The following FHIT variants were observed in gnomAD, a reference collection of about 807,000 sequenced individuals.
FHIT encodes the protein bis(5'-adenosyl)-triphosphatase.
In FHIT, 19 loss-of-function variants were observed where a neutral mutation model predicts 17.9. That is an observed-to-expected ratio of 1.06 (90% CI 0.74 to 1.56). The LOEUF (loss-of-function observed/expected upper bound fraction) is 1.56, where lower values mean the gene tolerates loss of function less well. Ranked by LOEUF, FHIT falls within the 40% of genes most tolerant of loss-of-function variation. FHIT has a pLI of 0.00. For missense variants in FHIT, 248 were observed against 189.2 expected (o/e 1.31, Z -1.82); for synonymous variants, 81 against 69.7 (o/e 1.16, Z -0.81).
intron 3 of FHIT, among the ~76,000 whole-genome samples, chr3:61,028,140 T>G (rs1410437247): frequency 6.6e-6 from 1 of 152,226 alleles, no homozygotes; most frequent in Admixed American, 6.5e-5. Context: ...AAATATACTA[T>G]GTTGGCAATT....
At chr3:60,618,688 A>C (rs548397840) in intron 4 of FHIT, among the ~76,000 whole-genome samples, 1 of 152,336 alleles carries the variant, frequency 6.6e-6, no homozygotes, top group South Asian at 2.1e-4. Flanking sequence ...AAGATTTTGC[A>C]AATGTGATTA....
intron 5 of FHIT, among the ~76,000 whole-genome samples, chr3:60,413,046 G>A (rs778776313): frequency 9.2e-5 from 14 of 152,026 alleles, no homozygotes; most frequent in Non-Finnish European, 1.8e-4. Flanking sequence ...ACACAGTCTC[G>A]GGCAGTTCTT....
At chr3:60,974,088 T>A (rs2107535545) in intron 3 of FHIT, among the ~76,000 whole-genome samples, 1 of 152,332 alleles carries the variant, frequency 6.6e-6, no homozygotes, top group Admixed American at 6.5e-5. Context: ...CACTACATAT[T>A]TGTTAAATTG....
At chr3:60,103,274 T>C (rs1704269747) in intron 5 of FHIT, among the ~76,000 whole-genome samples, 1 of 152,304 alleles carries the variant, frequency 6.6e-6, no homozygotes. Context: ...CCTCCTTAGT[T>C]CTTATGTGGG....
At chr3:60,490,967 C>G (rs1318593442) in intron 5 of FHIT, among the ~76,000 whole-genome samples, 1 of 152,002 alleles carries the variant, frequency 6.6e-6, no homozygotes, top group South Asian at 2.1e-4. Flanking sequence ...CCTCTGAAGA[C>G]AAAAGGTAAT....
chr3:59,941,301 A>T (rs1706505637), intron 7 of FHIT, among the ~76,000 whole-genome samples: 1 of 152,204 alleles, frequency 6.6e-6, no homozygotes, highest in African/African-American at 2.4e-5. Context: ...GGTGGATCAG[A>T]CAGACTTCAT....
chr3:61,050,011 T>G (rs965982382), intron 2 of FHIT, among the ~76,000 whole-genome samples: 1 of 152,150 alleles, frequency 6.6e-6, no homozygotes, highest in Non-Finnish European at 1.5e-5. Flanking sequence ...CCCAATCATA[T>G]GTCCAATCAT....
chr3:60,784,991 C>G (rs1559720068), intron 4 of FHIT, among the ~76,000 whole-genome samples: 1 of 151,972 alleles, frequency 6.6e-6, no homozygotes, highest in Non-Finnish European at 1.5e-5. Context: ...TTATGAGCCA[C>G]CTGGTTTAAG....
intron 5 of FHIT, among the ~76,000 whole-genome samples, chr3:60,094,133 T>G (rs567630635): frequency 5.9e-5 from 9 of 152,316 alleles, no homozygotes; most frequent in Non-Finnish European, 1.2e-4. Flanking sequence ...CAGTGAAGTT[T>G]CTAAGAGAAT....
At chr3:60,059,751 T>G (rs1391977677) in intron 5 of FHIT, among the ~76,000 whole-genome samples, 2 of 152,206 alleles carry the variant, frequency 1.3e-5, no homozygotes. Context: ...CCTACGAGGT[T>G]CATGAATGAG....
Position 61,077,386 on chromosome 3 carries a change from G to A in FHIT, c.-163-35287C>T, listed in dbSNP as rs377249786. 1.2e-4 allele frequency among the ~76,000 whole-genome samples: 18 copies of A among 152,060 alleles called. No homozygotes were observed. In the East Asian group the frequency reaches 1.5e-3, roughly 13 times the overall value. The stretch of plus-strand genomic sequence containing the variant: ...AGCATACTTAGAGCACAGGAAAGGC[G>A]AGAAATTAGAGTGAGAACTAAAGTC... On this transcript the variant is annotated intron_variant, in intron 2 of 9. Transcript: ENST00000492590.
At chr3:60,231,046 G>T (rs1704470928) in intron 5 of FHIT, among the ~76,000 whole-genome samples, 1 of 152,162 alleles carries the variant, frequency 6.6e-6, no homozygotes, top group Non-Finnish European at 1.5e-5. Context: ...AGCAGACATG[G>T]TAGTGGCAAC....
chr3:60,647,346 A>G (rs530796300), intron 4 of FHIT, among the ~76,000 whole-genome samples: 2 of 152,324 alleles, frequency 1.3e-5, no homozygotes, highest in South Asian at 4.1e-4. Context: ...TTTTCTCCAA[A>G]GTTACAGCCT....
At chr3:59,849,163 G>A (rs975410898) in intron 8 of FHIT, among the ~76,000 whole-genome samples, 2 of 152,166 alleles carry the variant, frequency 1.3e-5, no homozygotes, top group Admixed American at 6.5e-5. Flanking sequence ...TTGAGGCCAG[G>A]AGTTTGAGAC....
intron 8 of FHIT, among the ~76,000 whole-genome samples, chr3:59,872,106 C>A (rs1026799805): frequency 6.6e-6 from 1 of 152,152 alleles, no homozygotes; most frequent in African/African-American, 2.4e-5. Context: ...GATGTACTTT[C>A]CCTAACCATT....
chr3:60,474,899 A>G (rs1042662245), intron 5 of FHIT, among the ~76,000 whole-genome samples: 2 of 152,172 alleles, frequency 1.3e-5, no homozygotes, highest in African/African-American at 4.8e-5. Context: ...CTGGGATTAC[A>G]GGCGTGAGCC....
intron 2 of FHIT, among the ~76,000 whole-genome samples, chr3:61,187,317 T>C (rs888877064): frequency 6.6e-6 from 1 of 151,916 alleles, no homozygotes; most frequent in Non-Finnish European, 1.5e-5. Context: ...CACAGAAATT[T>C]CCCTCTTTGA....
chr3:60,387,742 T>C (rs1482156217), intron 5 of FHIT, among the ~76,000 whole-genome samples: 1 of 152,248 alleles, frequency 6.6e-6, no homozygotes, highest in East Asian at 1.9e-4. Flanking sequence ...ACACCATACT[T>C]ATCTTCCACA....
chr3:60,195,546 G>GATATATATATATATATAT (rs1223456537), intron 5 of FHIT, among the ~76,000 whole-genome samples: 1 of 18,888 alleles, frequency 5.3e-5, no homozygotes, highest in Non-Finnish European at 8.2e-5. Context: ...AGGAAAATGT[G>GATATATATATATATATAT]ATATATATAT....
Sources: gnomAD v4.1 joint callset for allele counts (sites outside exome capture counted in the v4.1 genomes callset) on GRCh38, gnomAD v4.1.1 for gene constraint, MANE v1.5 for transcripts, NCBI Gene and HGNC (gene_info 2026-07-23, HGNC 2026-07-21) for gene names.